The following C12orf42 variants were observed in gnomAD, a reference collection of about 807,000 sequenced individuals.
The protein encoded by C12orf42 is uncharacterized protein C12orf42.
C12orf42 carries 25 observed loss-of-function variants against 21.6 expected under a neutral mutation model. The ratio of observed to expected loss-of-function variants is 1.16; its 90% confidence interval spans 0.84 to 1.62. C12orf42 has a LOEUF of 1.62. Among genes scored for constraint, C12orf42 ranks in the 40% most tolerant of loss-of-function variants. C12orf42 has a pLI of 0.00. For synonymous variants in C12orf42, 174 were observed against 175.0 expected (o/e 0.99, Z 0.05); for missense variants, 483 against 459.3 (o/e 1.05, Z -0.47).
At chr12:103,329,415 C>T (rs574834529) in intron 4 of C12orf42, among the ~76,000 whole-genome samples, 5 of 152,028 alleles carry the variant, frequency 3.3e-5, no homozygotes, top group Non-Finnish European at 5.9e-5. Context: ...AGCATTGGGA[C>T]AAATACCTAA....
chr12:103,065,173 G>A, the C12orf42 span, among the ~76,000 whole-genome samples: 11 of 152,330 alleles, frequency 7.2e-5, no homozygotes, highest in East Asian at 7.7e-4. Context: ...CAGAGGTGGC[G>A]ATTCCCACCA....
chr12:103,121,059 A>C, the C12orf42 span, among the ~76,000 whole-genome samples: 4 of 152,142 alleles, frequency 2.6e-5, no homozygotes, highest in Non-Finnish European at 5.9e-5. Flanking sequence ...AAAGTGATAG[A>C]AATGTAGACT....
At chr12:103,077,102 T>C in the C12orf42 span, among the ~76,000 whole-genome samples, 2 of 152,220 alleles carry the variant, frequency 1.3e-5, no homozygotes. Flanking sequence ...CTATGTTCAA[T>C]TTAATACCAA....
intron 1 of C12orf42, among the ~76,000 whole-genome samples, chr12:103,482,280 C>G (rs986327895): frequency 6.6e-6 from 1 of 152,032 alleles, no homozygotes; most frequent in Non-Finnish European, 1.5e-5. Context: ...TTGGAAACGT[C>G]TTTATTTTAT....
chr12:103,533,706 A>C, the C12orf42 span, among the ~76,000 whole-genome samples: 11 of 152,384 alleles, frequency 7.2e-5, no homozygotes, highest in South Asian at 2.1e-4. Context: ...GGTGATTCAC[A>C]CAATATTCAC....
chr12:103,186,590 G>C, the C12orf42 span, among the ~76,000 whole-genome samples: 3 of 152,080 alleles, frequency 2.0e-5, no homozygotes, highest in Non-Finnish European at 1.5e-5. Context: ...AGAGACTCTT[G>C]TTGATTGTTT....
intron 5 of C12orf42, among the ~76,000 whole-genome samples, chr12:103,272,449 C>A (rs187694510): frequency 6.6e-6 from 1 of 152,116 alleles, no homozygotes; most frequent in African/African-American, 2.4e-5. Flanking sequence ...GAAGATCATT[C>A]GATTTCTTAC....
intron 4 of C12orf42, among the ~76,000 whole-genome samples, chr12:103,317,006 C>G (rs867144852): frequency 6.6e-6 from 1 of 152,262 alleles, no homozygotes; most frequent in Middle Eastern, 3.4e-3. Flanking sequence ...GTCACTCATT[C>G]CAGCTCTAGT....
the C12orf42 span, among the ~76,000 whole-genome samples, chr12:103,153,880 A>C: frequency 6.6e-6 from 1 of 152,092 alleles, no homozygotes; most frequent in Non-Finnish European, 1.5e-5. Flanking sequence ...ATCGCTATTC[A>C]CAGTAGTCCA....
intron 5 of C12orf42, among the ~76,000 whole-genome samples, chr12:103,276,645 G>T (rs2035788397): frequency 6.6e-6 from 1 of 152,208 alleles, no homozygotes; most frequent in South Asian, 2.1e-4. Context: ...CACAACCAAT[G>T]GGGTAAGTAA....
chr12:103,450,686 A>G (rs547786641), intron 2 of C12orf42, among the ~76,000 whole-genome samples: 81 of 152,168 alleles, frequency 5.3e-4, no homozygotes, highest in African/African-American at 1.8e-3. Flanking sequence ...GTGGCTCCCA[A>G]TCTGCTGTTC....
intron 2 of C12orf42, among the ~76,000 whole-genome samples, chr12:103,448,039 A>T (rs1565844406): frequency 1.3e-5 from 2 of 152,112 alleles, no homozygotes; most frequent in Non-Finnish European, 1.5e-5. Context: ...ACCCAACGTC[A>T]AACTATACTA....
intron 2 of C12orf42, among the ~76,000 whole-genome samples, chr12:103,418,741 C>T (rs1016878161): frequency 1.3e-5 from 2 of 151,696 alleles, no homozygotes; most frequent in Admixed American, 6.6e-5. Context: ...CTGCAATAAA[C>T]ACTAACAGTT....
the C12orf42 span, among the ~76,000 whole-genome samples, chr12:103,155,883 G>C: frequency 6.6e-6 from 1 of 150,396 alleles, no homozygotes; most frequent in Non-Finnish European, 1.5e-5. Context: ...ATACATATAT[G>C]TGTGTATATA....
intron 4 of C12orf42, among the ~76,000 whole-genome samples, chr12:103,294,641 A>G (rs2037130712): frequency 6.9e-6 from 1 of 145,638 alleles, no homozygotes; most frequent in African/African-American, 2.6e-5. Flanking sequence ...AGAAAGAAGG[A>G]AAAGAAAGAG....
the C12orf42 span, among the ~76,000 whole-genome samples, chr12:103,220,047 G>A: frequency 9.8e-5 from 15 of 152,326 alleles, no homozygotes; most frequent in African/African-American, 3.6e-4. Flanking sequence ...TAAAGAAAAT[G>A]TGGCACATAT....
At chr12:103,514,532 C>T in the C12orf42 span, among the ~76,000 whole-genome samples, 1 of 152,110 alleles carries the variant, frequency 6.6e-6, no homozygotes, top group African/African-American at 2.4e-5. Flanking sequence ...GTATGGGAGA[C>T]AAAGTCAGAT....
chr12:103,081,775 A>T, the C12orf42 span, among the ~76,000 whole-genome samples: 1 of 152,110 alleles, frequency 6.6e-6, no homozygotes, highest in Non-Finnish European at 1.5e-5. Context: ...ACATTTGTAA[A>T]ATTATTAAAT....
At chr12:103,048,812 C>A in the C12orf42 span, among the ~76,000 whole-genome samples, 1 of 152,080 alleles carries the variant, frequency 6.6e-6, no homozygotes, top group Non-Finnish European at 1.5e-5. Flanking sequence ...AATTATATTG[C>A]GCCCTTATCC....
Sources: allele counts gnomAD v4.1 joint callset (sites outside exome capture counted in the v4.1 genomes callset), GRCh38; gene constraint gnomAD v4.1.1; transcripts MANE v1.5; gene names NCBI Gene and HGNC (gene_info 2026-07-23, HGNC 2026-07-21).